GPHN: variants seen among roughly 807,000 people sequenced by gnomAD.
GPHN encodes gephyrin.
Under a neutral mutation model 95.5 loss-of-function variants are expected in GPHN, and 17 were observed. That is an observed-to-expected ratio of 0.18 (90% CI 0.12 to 0.27). The LOEUF (loss-of-function observed/expected upper bound fraction) is 0.27, where lower values mean the gene tolerates loss of function less well. Among genes scored for constraint, GPHN ranks in the 10% least tolerant of loss-of-function variants. GPHN has a pLI of 1.00. For missense variants in GPHN, 660 were observed against 978.1 expected, an observed-to-expected ratio of 0.67 and a Z score of 4.34; for synonymous variants, 320 against 322.5, an observed-to-expected ratio of 0.99 and a Z score of 0.08.
At chr14:67,557,462 C>T in the GPHN span, 3 of 1,580,900 alleles carry the variant, frequency 1.9e-6, no homozygotes, top group Admixed American at 5.1e-5. Context: ...TCTTCGACAT[C>T]TGTACTGCTG....
the GPHN span, among the ~76,000 whole-genome samples, chr14:67,710,707 C>CT: frequency 6.0e-5 from 9 of 151,148 alleles, no homozygotes; most frequent in East Asian, 9.7e-4. Flanking sequence ...AAATTTTTCA[C>CT]TTTTTTTTAA....
chr14:66,612,010 A>G (rs1208854899), intron 1 of GPHN, among the ~76,000 whole-genome samples: 1 of 151,942 alleles, frequency 6.6e-6, no homozygotes, highest in Non-Finnish European at 1.5e-5. Flanking sequence ...CTACTTTTTT[A>G]GTTTTATATT....
At chr14:66,760,594 C>T in intron 2 of GPHN, 1 of 386,464 alleles carries the variant, frequency 2.6e-6, no homozygotes. Context: ...GCATGATGTT[C>T]ATCCACAATG....
At chr14:66,881,115 A>G (rs1455862039) in intron 5 of GPHN, among the ~76,000 whole-genome samples, 2 of 151,986 alleles carry the variant, frequency 1.3e-5, no homozygotes, top group African/African-American at 4.8e-5. Flanking sequence ...TTTATATCCC[A>G]TCAGTGGCAG....
chr14:66,644,740 T>C (rs1326619222), intron 1 of GPHN, among the ~76,000 whole-genome samples: 2 of 152,128 alleles, frequency 1.3e-5, no homozygotes, highest in Non-Finnish European at 2.9e-5. Context: ...TTACCTAGTC[T>C]TTGTCCTTAA....
intron 17 of GPHN, among the ~76,000 whole-genome samples, chr14:67,131,278 G>A (rs2079690747): frequency 6.6e-6 from 1 of 151,882 alleles, no homozygotes; most frequent in African/African-American, 2.4e-5. Context: ...CTTAAACAGG[G>A]TGGAAAAAGG....
intron 1 of GPHN, among the ~76,000 whole-genome samples, chr14:66,584,600 G>A (rs1184537884): frequency 1.3e-5 from 2 of 152,046 alleles, no homozygotes; most frequent in African/African-American, 2.4e-5. Context: ...AGCATGAAGG[G>A]TTGTTGAATT....
At chr14:66,970,960 C>T (rs1210505108) in intron 9 of GPHN, among the ~76,000 whole-genome samples, 4 of 152,186 alleles carry the variant, frequency 2.6e-5, no homozygotes, top group Non-Finnish European at 4.4e-5. Context: ...GGTCTCCAGA[C>T]CCCTTCATGC....
At chr14:66,548,741 G>T (rs889059296) in intron 1 of GPHN, among the ~76,000 whole-genome samples, 4 of 152,142 alleles carry the variant, frequency 2.6e-5, no homozygotes, top group African/African-American at 9.7e-5. Context: ...TAAATCAAAA[G>T]CTAGAAATGG....
chr14:66,811,326 C>T (rs1951352), intron 3 of GPHN, among the ~76,000 whole-genome samples: 1 of 151,946 alleles, frequency 6.6e-6, no homozygotes, highest in Admixed American at 6.6e-5. Flanking sequence ...ATTTGTCATT[C>T]TTGAAAGGAC....
chr14:67,055,504 A>G (rs1269980365), intron 10 of GPHN, among the ~76,000 whole-genome samples: 1 of 152,192 alleles, frequency 6.6e-6, no homozygotes, highest in African/African-American at 2.4e-5. Context: ...TGATTCCTCA[A>G]AGACCTAGAA....
chr14:67,527,907 G>A, the GPHN span, among the ~76,000 whole-genome samples: 1 of 152,318 alleles, frequency 6.6e-6, no homozygotes, highest in East Asian at 1.9e-4. Context: ...GAAAGTAGTG[G>A]CTTTGAGGAG....
At chr14:67,367,184 C>T in the GPHN span, among the ~76,000 whole-genome samples, 10 of 152,336 alleles carry the variant, frequency 6.6e-5, no homozygotes, top group African/African-American at 1.7e-4. Flanking sequence ...GGAGACAGAG[C>T]TTATAGTTTT....
the GPHN span, chr14:67,387,535 C>T: frequency 7.0e-7 from 1 of 1,425,870 alleles, no homozygotes. Flanking sequence ...AGAAAGTCAA[C>T]TGAGACATGG....
At chr14:67,320,320 C>T in the GPHN span, 17 of 1,613,568 alleles carry the variant, frequency 1.1e-5, no homozygotes, top group East Asian at 3.6e-4. Context: ...TTGATTGGTC[C>T]ACAGAACTGT....
chr14:66,674,136 TC>T (rs1461763042), intron 1 of GPHN, among the ~76,000 whole-genome samples: 3 of 151,562 alleles, frequency 2.0e-5, no homozygotes, highest in Admixed American at 6.6e-5. Context: ...TCTCGCTCTG[TC>T]CCCCAGGCTG....
chr14:66,885,148 A>T (rs1470767411), intron 5 of GPHN, among the ~76,000 whole-genome samples: 1 of 152,118 alleles, frequency 6.6e-6, no homozygotes, highest in African/African-American at 2.4e-5. Context: ...TTAAAGTAAC[A>T]GTACTATCAT....
intron 1 of GPHN, among the ~76,000 whole-genome samples, chr14:66,587,370 A>G (rs1021155061): frequency 3.9e-5 from 6 of 152,212 alleles, no homozygotes; most frequent in South Asian, 2.1e-4. Context: ...AAATCTTTCA[A>G]ACTATTTTAA....
chr14:67,641,382 C>A, the GPHN span, among the ~76,000 whole-genome samples: 6 of 152,184 alleles, frequency 3.9e-5, no homozygotes, highest in Non-Finnish European at 8.8e-5. Flanking sequence ...TCAACCTGTA[C>A]AAACTTTGGA....
Sources: gnomAD v4.1 joint callset for allele counts (sites outside exome capture counted in the v4.1 genomes callset) on GRCh38, gnomAD v4.1.1 for gene constraint, MANE v1.5 for transcripts, NCBI Gene and HGNC (gene_info 2026-07-23, HGNC 2026-07-21) for gene names.